NF2: variants seen among roughly 807,000 people sequenced by gnomAD.
NF2 encodes NF2, moesin-ezrin-radixin like (MERLIN) tumor suppressor, also known as merlin.
NF2 carries 8 observed loss-of-function variants against 83.7 expected under a neutral mutation model. The ratio of observed to expected loss-of-function variants is 0.10; its 90% CI spans 0.06 to 0.17. NF2 has a LOEUF of 0.17. NF2 is among the 10% of genes least tolerant of loss of function. NF2 has a pLI of 1.00. For missense variants in NF2, 533 were observed against 744.4 expected, an observed-to-expected ratio of 0.72 and a Z score of 3.31; for synonymous variants, 266 against 269.6, an observed-to-expected ratio of 0.99 and a Z score of 0.13.
intron 1 of NF2, among the ~76,000 whole-genome samples, chr22:29,623,105 C>CT: frequency 6.6e-6 from 1 of 151,826 alleles, no homozygotes; most frequent in Non-Finnish European, 1.5e-5. Flanking sequence ...CACATGCCAC[C>CT]AATACCTGGC....
rs144628209 is a variant in NF2 at position 29,673,457 on chromosome 22, A to G, written c.1311A>G (p.Ala437=). ...AGGTGCTGGAAGCCGAGGTGCTGGC[A>G]CTGAAGATGGCTGAGGAGTCAGAGA... ...EQKVLEAEVL[A]LKMAEESERR... The change falls in exon 12 of 16, where the codon GCA becomes GCG. Residue 437 remains alanine, a synonymous_variant. Transcript: ENST00000338641. 73 of 1,611,190 alleles carry G rather than the reference A, an allele frequency of 4.5e-5. No homozygotes were observed. The highest frequency in any genetic ancestry group is 5.7e-5 in the Non-Finnish European group (67 of 1,179,320).
chr22:29,609,357 C>G lies in NF2; in HGVS notation c.114+5245C>G, dbSNP rs573722678. ...ATAGAGGTCGCTGGTGGAATAGATC[C>G]TGACACTGTCCATAGGTGTGCAGAG... On this transcript the variant is annotated intron_variant, in intron 1 of 15. Coordinates refer to ENST00000338641, the MANE Select transcript of NF2 (RefSeq NM_000268.4). 1.1e-3 allele frequency: 708 copies of G among 624,660 alleles called. 2 individuals are homozygous for G. Among genetic ancestry groups the G allele is most frequent in the Non-Finnish European group, 1.8e-3 (571 of 322,412 alleles). 38.7% of individuals were successfully genotyped at this position (624,660 alleles called of 1,614,324 possible). A position where few individuals can be genotyped will look rare whatever the true frequency, so the allele number is the denominator to read the frequency against.
intron 1 of NF2, among the ~76,000 whole-genome samples, chr22:29,605,314 G>A (rs975616119): frequency 2.0e-5 from 3 of 152,138 alleles, no homozygotes; most frequent in East Asian, 3.9e-4. Context: ...ACAGGCGTGC[G>A]CCACCTCGTC....
intron 10 of NF2, among the ~76,000 whole-genome samples, chr22:29,671,340 C>T (rs2066778807): frequency 6.6e-6 from 1 of 152,060 alleles, no homozygotes; most frequent in Non-Finnish European, 1.5e-5. Flanking sequence ...ACCAGCCTGG[C>T]CAATATGGTG....
chr22:29,678,081 G>A, intron 13 of NF2, 115 bp from the exon 14 acceptor site: 1 of 1,368,410 alleles, frequency 7.3e-7, no homozygotes, highest in Non-Finnish European at 1.0e-6. Flanking sequence ...TTGGGAGGTG[G>A]GACCCGAGTT....
rs1233245274 is a variant in NF2, at chr22:29,665,019, T to C, written c.840T>C (p.Ile280=). The part of the protein sequence containing the change: ...EFTIKPLDKK[I]DVFKFNSSKL... ...CTATTAAACCACTGGATAAGAAAAT[T>C]GATGTCTTCAAGTTTAACTCCTCAA... The change falls in exon 9 of 16, where the codon ATT becomes ATC. Residue 280 remains isoleucine (I), a synonymous_variant. Coordinates refer to ENST00000338641, the MANE Select transcript of NF2 (RefSeq NM_000268.4). 6.2e-7 allele frequency: 1 copy of C among 1,613,830 alleles called. No homozygotes were observed.
At chr22:29,638,607 C>G (rs564514666) in intron 2 of NF2, among the ~76,000 whole-genome samples, 12 of 152,218 alleles carry the variant, frequency 7.9e-5, no homozygotes, top group Admixed American at 5.9e-4. Flanking sequence ...CCGCTGTGGC[C>G]TCCCAGCGTG....
intron 3 of NF2, 81 bp from the exon 4 acceptor site, chr22:29,642,121 C>G: frequency 8.6e-7 from 1 of 1,159,762 alleles, no homozygotes; most frequent in Non-Finnish European, 1.3e-6. Flanking sequence ...ATTAGAACGC[C>G]GTGAGGCCAT....
At chr22:29,691,047 A>C (rs1255988149) in intron 15 of NF2, among the ~76,000 whole-genome samples, 2 of 152,224 alleles carry the variant, frequency 1.3e-5, no homozygotes, top group African/African-American at 4.8e-5. Context: ...CAAGTCCCAG[A>C]CTGGTGCAGC....
At chr22:29,605,461 AC>A (rs2064765793) in intron 1 of NF2, among the ~76,000 whole-genome samples, 1 of 151,658 alleles carries the variant, frequency 6.6e-6, no homozygotes, top group Non-Finnish European at 1.5e-5. Context: ...GATGTGAGCC[AC>A]CCCGCCCAGC....
At chr22:29,674,748 C>G (rs1601651776) in intron 12 of NF2, 88 bp from the exon 13 acceptor site, 1 of 1,170,566 alleles carries the variant, frequency 8.5e-7, no homozygotes, top group Non-Finnish European at 1.3e-6. Flanking sequence ...AGGGTTAGCC[C>G]AGGTCCCTCC....
chr22:29,625,091 A>G (rs531269050), intron 1 of NF2, among the ~76,000 whole-genome samples: 1 of 151,702 alleles, frequency 6.6e-6, no homozygotes, highest in Admixed American at 6.6e-5. Context: ...GGCGTGCGCC[A>G]CTAATTTTTG....
At chr22:29,645,698 A>G (rs900229217) in intron 4 of NF2, among the ~76,000 whole-genome samples, 1 of 152,132 alleles carries the variant, frequency 6.6e-6, no homozygotes, top group Non-Finnish European at 1.5e-5. Flanking sequence ...TTCCATCTCA[A>G]AGGCTACATT....
Position 29,636,901 on chromosome 22 carries a change from G to A in NF2, c.240+25G>A, listed in dbSNP as rs769393352. 7 of 1,613,644 alleles carry A rather than the reference G, an allele frequency of 4.3e-6. 1 individual carries two copies. The South Asian group carries it at 5.5e-5, about 13-fold the overall frequency. Reference sequence around the variant, plus strand: ...GGTTGGGCTAGAACTCGATGAAACTGGTGGGGCTGACGTGAGCTTTCCAGT... The same window carrying A: ...GGTTGGGCTAGAACTCGATGAAACTAGTGGGGCTGACGTGAGCTTTCCAGT... On this transcript the variant is annotated intron_variant, in intron 2 of 15. Coordinates refer to ENST00000338641, the MANE Select transcript of NF2 (RefSeq NM_000268.4). This position sits in a 1 kb window ranked among gnomAD's most constrained non-coding sequence, Gnocchi z 4.4.
At chr22:29,605,972 G>A (rs891219007) in intron 1 of NF2, among the ~76,000 whole-genome samples, 1 of 151,216 alleles carries the variant, frequency 6.6e-6, no homozygotes, top group Admixed American at 6.6e-5. Context: ...TTTTTCTTTT[G>A]AGACGGAGTT....
intron 4 of NF2, among the ~76,000 whole-genome samples, chr22:29,645,981 G>A: frequency 6.6e-6 from 1 of 152,088 alleles, no homozygotes; most frequent in East Asian, 1.9e-4. Flanking sequence ...GGGAAACTAA[G>A]GCTTACTATG....
intron 4 of NF2, among the ~76,000 whole-genome samples, chr22:29,645,098 A>G (rs1175053608): frequency 6.6e-6 from 1 of 152,214 alleles, no homozygotes; most frequent in Non-Finnish European, 1.5e-5. Flanking sequence ...TTTTTGGGGT[A>G]GATTAATGCA....
At chr22:29,660,070 C>G (rs773689757) in intron 7 of NF2, among the ~76,000 whole-genome samples, 1 of 152,196 alleles carries the variant, frequency 6.6e-6, no homozygotes, top group Non-Finnish European at 1.5e-5. Flanking sequence ...TTTCCATTAT[C>G]GTCAAGGGGT....
chr22:29,609,546 T>G (rs2064893384), intron 1 of NF2: 1 of 232,782 alleles, frequency 4.3e-6, no homozygotes, highest in South Asian at 8.2e-5. Flanking sequence ...ATCTCCTTTT[T>G]ACTGGAAAAC....
Sources: gnomAD v4.1 joint callset for allele counts (sites outside exome capture counted in the v4.1 genomes callset) on GRCh38, gnomAD v4.1.1 for gene constraint, Gnocchi (gnomAD v3.1) non-coding constraint, MANE v1.5 for transcripts, NCBI Gene and HGNC (gene_info 2026-07-23, HGNC 2026-07-21) for gene names.